The following BCAS4 variants were observed in gnomAD, a reference collection of about 807,000 sequenced individuals.
BCAS4 encodes the protein breast carcinoma-amplified sequence 4.
BCAS4 carries 9 observed loss-of-function variants against 15.7 expected under a neutral mutation model. The ratio of observed to expected loss-of-function variants is 0.57; its 90% confidence interval spans 0.34 to 1.00. The LOEUF is 1.00. Among genes scored for constraint, BCAS4 ranks in the 50% least tolerant of loss-of-function variants. The probability of loss-of-function intolerance (pLI) is 0.02; values close to 1 mark genes in which losing one functional copy is unlikely to be tolerated. For synonymous variants in BCAS4, 101 were observed against 99.5 expected, an observed-to-expected ratio of 1.02 and a Z score of -0.09; for missense variants, 225 against 239.1, an observed-to-expected ratio of 0.94 and a Z score of 0.39.
At chr20:50,814,014 C>T (rs979101339) in intron 1 of BCAS4, among the ~76,000 whole-genome samples, 5 of 152,054 alleles carry the variant, frequency 3.3e-5, no homozygotes, top group Admixed American at 6.6e-5. Context: ...CTGCAGCCTG[C>T]GGGACTCTCA....
chr20:50,868,091 C>A (rs999048236), intron 4 of BCAS4, among the ~76,000 whole-genome samples: 14 of 152,140 alleles, frequency 9.2e-5, no homozygotes, highest in Non-Finnish European at 1.9e-4. Context: ...CATGCTTAGA[C>A]CAGGGCTGTG....
At chr20:50,871,202 G>C (rs1979623744) in intron 4 of BCAS4, among the ~76,000 whole-genome samples, 1 of 152,218 alleles carries the variant, frequency 6.6e-6, no homozygotes, top group Non-Finnish European at 1.5e-5. Context: ...CTTGGAGCTG[G>C]ACAGGCCGAG....
At chr20:50,841,976 A>G (rs2123808338) in intron 4 of BCAS4, 76 bp downstream of exon 4, 6 of 1,468,860 alleles carry the variant, frequency 4.1e-6, no homozygotes, top group Non-Finnish European at 5.4e-6. Flanking sequence ...GGGGAGGAGC[A>G]TGCAGGAAGC....
intron 4 of BCAS4, among the ~76,000 whole-genome samples, chr20:50,850,473 A>G (rs531806709): frequency 2.0e-5 from 3 of 152,356 alleles, no homozygotes; most frequent in African/African-American, 7.2e-5. Context: ...TCTTTGGGCT[A>G]GTTCTGCCTC....
intron 1 of BCAS4, among the ~76,000 whole-genome samples, chr20:50,799,452 T>C (rs955553459): frequency 6.6e-6 from 1 of 152,104 alleles, no homozygotes; most frequent in Admixed American, 6.6e-5. Context: ...CATTACCAGA[T>C]CCCCAAGCTG....
chr20:50,821,676 C>T lies in BCAS4; in HGVS notation c.162+3394C>T, dbSNP rs556774227. Among the ~76,000 whole-genome samples the T allele has an allele frequency of 3.6e-4, 55 of 152,250 alleles. No individual in the cohort carries two copies. In the South Asian group the frequency reaches 5.6e-3, roughly 15 times the overall value. ...ACACTGTTTGATCAATTTACAGGTC[C>T]GAGAGAAGGCAGGCCCTGGGCTGCA... On this transcript the variant is annotated intron_variant, in intron 2 of 4. Coordinates refer to ENST00000371608, the MANE Select transcript of BCAS4 (RefSeq NM_198799.4).
At chr20:50,870,525 C>T (rs1224657699) in intron 4 of BCAS4, among the ~76,000 whole-genome samples, 2 of 151,358 alleles carry the variant, frequency 1.3e-5, no homozygotes, top group African/African-American at 4.8e-5. Flanking sequence ...TTGCCGGGGC[C>T]AACTCTGAGG....
chr20:50,838,144 C>T (rs1471589107), intron 3 of BCAS4, among the ~76,000 whole-genome samples: 2 of 152,246 alleles, frequency 1.3e-5, no homozygotes, highest in Non-Finnish European at 2.9e-5. Context: ...CACTCACTCA[C>T]TCATTCACTC....
chr20:50,838,862 A>G (rs962335439), intron 3 of BCAS4, among the ~76,000 whole-genome samples: 1 of 151,986 alleles, frequency 6.6e-6, no homozygotes, highest in Non-Finnish European at 1.5e-5. Context: ...CAAAACAAAC[A>G]AACAAACACC....
At chr20:50,809,065 C>G (rs2088029330) in intron 1 of BCAS4, among the ~76,000 whole-genome samples, 2 of 152,090 alleles carry the variant, frequency 1.3e-5, no homozygotes, top group South Asian at 4.1e-4. Flanking sequence ...AGCCAATTAT[C>G]CCAGCAGCAT....
chr20:50,849,565 A>G (rs2088585174), intron 4 of BCAS4, among the ~76,000 whole-genome samples: 1 of 152,218 alleles, frequency 6.6e-6, no homozygotes, highest in South Asian at 2.1e-4. Context: ...TGATCTGGTA[A>G]CAGCAATGAG....
intron 1 of BCAS4, among the ~76,000 whole-genome samples, chr20:50,801,531 G>T (rs930900507): frequency 1.4e-4 from 22 of 152,132 alleles, no homozygotes; most frequent in Admixed American, 2.0e-4. Context: ...TTTTGAGATG[G>T]GGTCTTGCTA....
chr20:50,873,340 T>C (rs1217382624), intron 4 of BCAS4, among the ~76,000 whole-genome samples: 1 of 152,200 alleles, frequency 6.6e-6, no homozygotes, highest in Non-Finnish European at 1.5e-5. Context: ...GCCGCCTGGC[T>C]GGGCCGAACA....
chr20:50,869,653 GA>G (rs1979533426), intron 4 of BCAS4, among the ~76,000 whole-genome samples: 1 of 152,044 alleles, frequency 6.6e-6, no homozygotes, highest in East Asian at 1.9e-4. Flanking sequence ...GAGATATAGG[GA>G]AGGGTTTGTT....
intron 1 of BCAS4, among the ~76,000 whole-genome samples, chr20:50,805,538 C>T (rs904655638): frequency 5.3e-5 from 8 of 152,170 alleles, no homozygotes; most frequent in Non-Finnish European, 8.8e-5. Context: ...GCAGCCAGCC[C>T]ATTTAAATAG....
intron 3 of BCAS4, among the ~76,000 whole-genome samples, chr20:50,835,390 G>T (rs542526603): frequency 2.6e-5 from 4 of 151,742 alleles, no homozygotes; most frequent in Non-Finnish European, 4.4e-5. Flanking sequence ...GACTATAGGC[G>T]CCTGCCACCA....
At chr20:50,866,311 T>C (rs1303437461) in intron 4 of BCAS4, among the ~76,000 whole-genome samples, 1 of 152,154 alleles carries the variant, frequency 6.6e-6, no homozygotes, top group Non-Finnish European at 1.5e-5. Context: ...TCTTCAGCCT[T>C]ACGGAGCCTT....
chr20:50,870,415 G>GA (rs918461920), intron 4 of BCAS4, among the ~76,000 whole-genome samples: 25 of 152,358 alleles, frequency 1.6e-4, no homozygotes, highest in African/African-American at 5.5e-4. Flanking sequence ...CTTCAGAGGA[G>GA]AGGCTGTGAA....
intron 1 of BCAS4, among the ~76,000 whole-genome samples, chr20:50,807,675 C>T (rs2088008489): frequency 6.6e-6 from 1 of 152,180 alleles, no homozygotes; most frequent in South Asian, 2.1e-4. Flanking sequence ...CCACCCTTTC[C>T]CCTAAGTCCC....
Sources: allele counts gnomAD v4.1 joint callset (sites outside exome capture counted in the v4.1 genomes callset), GRCh38; gene constraint gnomAD v4.1.1; transcripts MANE v1.5; gene names NCBI Gene and HGNC (gene_info 2026-07-23, HGNC 2026-07-21).